Variants in NUP210 observed in about 807,000 individuals in gnomAD.
The protein encoded by NUP210 is nucleoporin 210.
NUP210 carries 151 observed loss-of-function variants against 196.0 expected under a neutral mutation model. That is an observed-to-expected ratio of 0.77 (90% CI 0.67 to 0.88). The LOEUF (loss-of-function observed/expected upper bound fraction) is 0.88. NUP210 is among the 40% of genes least tolerant of loss of function. The pLI is 0.00. For missense variants in NUP210, 2,314 were observed against 2,493.7 expected (o/e 0.93, Z 1.53); for synonymous variants, 1,070 against 1,052.7 (o/e 1.02, Z -0.32).
intron 6 of NUP210, among the ~76,000 whole-genome samples, chr3:13,385,324 C>T (rs1699237077): frequency 6.6e-6 from 1 of 152,252 alleles, no homozygotes; most frequent in South Asian, 2.1e-4. Context: ...ACTCACCTGA[C>T]TGAGGCCCTC....
chr3:13,403,620 C>T (rs1458714041), intron 1 of NUP210, among the ~76,000 whole-genome samples: 7 of 152,192 alleles, frequency 4.6e-5, no homozygotes, highest in African/African-American at 7.2e-5. Context: ...GCCGTGCAGG[C>T]GCAGGGCTCT....
intron 32 of NUP210, 92 bp downstream of exon 32, chr3:13,327,125 T>C: frequency 1.0e-6 from 1 of 973,708 alleles, no homozygotes; most frequent in Non-Finnish European, 1.5e-6. Context: ...TAGGCCCCCG[T>C]GACTGGTGCC....
intron 31 of NUP210, among the ~76,000 whole-genome samples, chr3:13,328,090 C>T (rs767659825): frequency 3.9e-5 from 6 of 152,236 alleles, no homozygotes; most frequent in Non-Finnish European, 8.8e-5. Flanking sequence ...TCAGGTGCTC[C>T]TGCTACAAGA....
intron 26 of NUP210, among the ~76,000 whole-genome samples, chr3:13,337,487 G>A (rs115556644): frequency 2.6e-5 from 4 of 152,224 alleles, no homozygotes; most frequent in Non-Finnish European, 5.9e-5. Flanking sequence ...GCTCATCTGC[G>A]ACACGAAGAT....
chr3:13,379,992 C>T lies in NUP210; in HGVS notation c.818-271G>A, dbSNP rs1221380881. On this transcript the variant is annotated intron_variant, in intron 6 of 39. Coordinates refer to ENST00000254508, the MANE Select transcript of NUP210 (RefSeq NM_024923.4). This position sits in a 1 kb window ranked among gnomAD's most constrained non-coding sequence, Gnocchi z 4.2. Reference sequence around the variant, plus strand: ...TTAACCACAATCTATTTGCCAACTGCTTGGAGAATATTAACATTATGCCAT... The same window carrying T: ...TTAACCACAATCTATTTGCCAACTGTTTGGAGAATATTAACATTATGCCAT... Among the ~76,000 whole-genome samples the T allele has an allele frequency of 6.6e-6, 1 of 152,050 alleles. No homozygotes were observed. Among genetic ancestry groups the T allele is most frequent in the Non-Finnish European group, 1.5e-5 (1 of 68,034 alleles).
intron 1 of NUP210, among the ~76,000 whole-genome samples, chr3:13,416,169 G>A (rs1700342906): frequency 6.6e-6 from 1 of 152,174 alleles, no homozygotes; most frequent in Non-Finnish European, 1.5e-5. Flanking sequence ...ATAAGAGAGG[G>A]TGTACCCTGG....
At chr3:13,346,481 G>A (rs1426453552) in intron 20 of NUP210, among the ~76,000 whole-genome samples, 1 of 152,236 alleles carries the variant, frequency 6.6e-6, no homozygotes, top group Non-Finnish European at 1.5e-5. Context: ...TGCCACCTGA[G>A]AACATTGGGA....
chr3:13,391,116 A>G (rs1291952199), intron 4 of NUP210, 95 bp downstream of exon 4: 6 of 810,790 alleles, frequency 7.4e-6, no homozygotes, highest in South Asian at 4.4e-5. Flanking sequence ...CTCCTCAATG[A>G]CCCAGATGAA....
At chr3:13,335,192 C>T (rs1697159228) in intron 28 of NUP210, among the ~76,000 whole-genome samples, 1 of 152,218 alleles carries the variant, frequency 6.6e-6, no homozygotes, top group Non-Finnish European at 1.5e-5. Flanking sequence ...AAGTGAGTTC[C>T]CACCTCCAGG....
intron 25 of NUP210, among the ~76,000 whole-genome samples, chr3:13,339,159 G>A (rs888488624): frequency 4.6e-5 from 7 of 152,116 alleles, no homozygotes; most frequent in East Asian, 1.9e-4. Flanking sequence ...ACTCAATGAC[G>A]GATCACAGTC....
chr3:13,343,241 C>T lies in NUP210; in HGVS notation c.2898G>A (p.Pro966=), dbSNP rs1227126951. The change falls in exon 21 of 40, where the codon CCG becomes CCA. Residue 966 remains proline, a synonymous_variant. Transcript: ENST00000254508. ...CGTAAACGACAGCCTTGGCTGGGGCCGGGAAGACGAGGCACAAGTCATGGA... is the reference window on the plus strand; with the variant it reads ...CGTAAACGACAGCCTTGGCTGGGGCTGGGAAGACGAGGCACAAGTCATGGA... ...IMIHDLCLVF[P]APAKAVVYVS... is the part of the protein sequence containing the mutation. 1.3e-5 allele frequency: 20 copies of T among 1,512,804 alleles called. No homozygotes were observed. Among genetic ancestry groups the T allele is most frequent in the Middle Eastern group, 3.6e-4 (2 of 5,562 alleles). The allele number at this position is 1,512,804 out of a possible 1,614,324, so 93.7% of individuals were successfully genotyped here. A position where few individuals can be genotyped will look rare whatever the true frequency, so the allele number is the denominator to read the frequency against.
chr3:13,387,534 G>C (rs756404577), intron 5 of NUP210, among the ~76,000 whole-genome samples: 7 of 152,216 alleles, frequency 4.6e-5, no homozygotes, highest in Non-Finnish European at 8.8e-5. Context: ...ACTCCCAGAT[G>C]CAGCAAACCC....
intron 28 of NUP210, 29 bp from the exon 29 acceptor site, chr3:13,332,413 A>T: frequency 6.4e-7 from 1 of 1,554,470 alleles, no homozygotes; most frequent in Non-Finnish European, 8.9e-7. Context: ...TTCACTTCCG[A>T]TGGGGCACTG....
intron 6 of NUP210, among the ~76,000 whole-genome samples, chr3:13,383,134 G>A (rs1030002426): frequency 6.6e-6 from 1 of 152,136 alleles, no homozygotes; most frequent in Non-Finnish European, 1.5e-5. Flanking sequence ...GACAAAGCAA[G>A]ACTCTCTCTC....
Position 13,348,315 on chromosome 3 carries a change from A to T in NUP210, c.2835+3564T>A. ...AGCTCACTACCTACAGCGGCAGCCT[A>T]GTCCATCACCGACCTCTAGGAACTC... On this transcript the variant is annotated intron_variant, in intron 20 of 39. Transcript: ENST00000254508. The surrounding 1 kb of genome is among the most constrained non-coding windows in gnomAD (Gnocchi z 4.0). 1 of 915,492 alleles carries T rather than the reference A, an allele frequency of 1.1e-6. No individual in the cohort carries two copies. The highest frequency in any genetic ancestry group is 1.3e-6 in the Non-Finnish European group (1 of 766,266). 56.7% of individuals were successfully genotyped at this position (915,492 alleles called of 1,614,324 possible).
At chr3:13,409,052 C>A (rs1700082404) in intron 1 of NUP210, among the ~76,000 whole-genome samples, 1 of 152,148 alleles carries the variant, frequency 6.6e-6, no homozygotes, top group Non-Finnish European at 1.5e-5. Flanking sequence ...CCCTGTAAGT[C>A]CAGGGTCTGT....
At chr3:13,332,742 CAT>C (rs35369555) in intron 28 of NUP210, among the ~76,000 whole-genome samples, 82,220 of 151,572 alleles carry the variant, frequency 0.54, 22,715 homozygotes, top group African/African-American at 0.64. Flanking sequence ...CACACACACA[CAT>C]GGCCAAAGAT....
chr3:13,336,157 G>C (rs1697206964), intron 27 of NUP210, among the ~76,000 whole-genome samples: 1 of 152,170 alleles, frequency 6.6e-6, no homozygotes, highest in Admixed American at 6.5e-5. Context: ...CCTGGGCTTT[G>C]GTCTCTTTCC....
rs937137313 is a variant in NUP210 at position 13,358,269 on chromosome 3, G to A, written c.2281C>T (p.Pro761Ser). Residue 761 changes from proline to serine, a missense_variant, in exon 16 of 40, where the codon CCC (proline) becomes TCC (serine). Physicochemically the swap from Pro to Ser is moderately conservative, Grantham distance 74 (BLOSUM62 -1). Coordinates refer to ENST00000254508, the MANE Select transcript of NUP210 (RefSeq NM_024923.4). Reference sequence around the variant, plus strand: ...AGCGGACAGGACATGTCCAGCTGGGGGCTGGTGTAGACAGGCGCGAGGGTG... The same window carrying A: ...AGCGGACAGGACATGTCCAGCTGGGAGCTGGTGTAGACAGGCGCGAGGGTG... ...RLTLAPVYTS[P>S]QLDMSCPLLQ... is the part of the protein sequence containing the mutation. 2 of 1,613,512 alleles carry A rather than the reference G, an allele frequency of 1.2e-6. No homozygotes were observed. The highest frequency in any genetic ancestry group is 2.7e-5 in the African/African-American group (2 of 74,902).
Sources: gnomAD v4.1 joint callset for allele counts (sites outside exome capture counted in the v4.1 genomes callset) on GRCh38, gnomAD v4.1.1 for gene constraint, Gnocchi (gnomAD v3.1) non-coding constraint, MANE v1.5 for transcripts, NCBI Gene and HGNC (gene_info 2026-07-23, HGNC 2026-07-21) for gene names.